LRP1B: variants seen among roughly 807,000 people sequenced by gnomAD.
LRP1B encodes the protein LDL receptor related protein 1B.
LRP1B carries 217 observed loss-of-function variants against 556.6 expected under a neutral mutation model. The ratio of observed to expected loss-of-function variants is 0.39; its 90% CI spans 0.35 to 0.44. The LOEUF is 0.44. Among genes scored for constraint, LRP1B ranks in the 20% least tolerant of loss-of-function variants. The probability of loss-of-function intolerance (pLI) is 1.00; values close to 1 mark genes in which losing one functional copy is unlikely to be tolerated. For missense variants in LRP1B, 5,053 were observed against 5,620.8 expected (o/e 0.90, Z 3.23); for synonymous variants, 2,047 against 1,865.8 (o/e 1.10, Z -2.50).
chr2:140,402,394 A>C (rs1684544155), intron 66 of LRP1B, among the ~76,000 whole-genome samples: 1 of 152,186 alleles, frequency 6.6e-6, no homozygotes, highest in Admixed American at 6.5e-5. Context: ...ACCACTGCAG[A>C]CATGGCTGGG....
intron 2 of LRP1B, among the ~76,000 whole-genome samples, chr2:141,768,734 A>G (rs1694805456): frequency 2.6e-5 from 4 of 152,100 alleles, no homozygotes. Flanking sequence ...TTTAATTGAA[A>G]ATTAATTCTA....
At chr2:141,785,107 C>T (rs1695387038) in intron 2 of LRP1B, among the ~76,000 whole-genome samples, 1 of 151,926 alleles carries the variant, frequency 6.6e-6, no homozygotes, top group Non-Finnish European at 1.5e-5. Context: ...TGCTTTTCAG[C>T]AGAGACACAT....
At chr2:141,945,953 T>C (rs923456792) in intron 1 of LRP1B, among the ~76,000 whole-genome samples, 9 of 151,852 alleles carry the variant, frequency 5.9e-5, no homozygotes, top group Non-Finnish European at 1.3e-4. Flanking sequence ...TATTTATTTA[T>C]TTATTTATTT....
In LRP1B at chr2:141,096,661, A is replaced by G. The variant is rs186145678; in HGVS notation, c.1014-34388T>C. Reference sequence around the variant, plus strand: ...GAGAGAGAGAGAGAGAGAGAGAGAGAGAGAGAGAGAGAGAGAGAGAGAGAG... The same window carrying G: ...GAGAGAGAGAGAGAGAGAGAGAGAGGGAGAGAGAGAGAGAGAGAGAGAGAG... On this transcript the variant is annotated intron_variant, in intron 7 of 90. Coordinates refer to ENST00000389484, the MANE Select transcript of LRP1B (RefSeq NM_018557.3). Among the ~76,000 whole-genome samples the G allele has an allele frequency of 1.5e-3, 131 of 84,788 alleles. 10 individuals are homozygous for G. The East Asian group carries it at 0.031, about 20-fold the overall frequency. The allele number at this position is 84,788 out of a possible 152,430, so 55.6% of individuals were successfully genotyped here.
intron 37 of LRP1B, among the ~76,000 whole-genome samples, chr2:140,715,438 TTATA>T (rs1183930295): frequency 6.6e-6 from 1 of 151,986 alleles, no homozygotes; most frequent in East Asian, 1.9e-4. Flanking sequence ...CGTTTCAGTT[TTATA>T]TATATACATT....
intron 3 of LRP1B, among the ~76,000 whole-genome samples, chr2:141,349,077 C>T (rs1342325002): frequency 6.6e-6 from 1 of 151,982 alleles, no homozygotes; most frequent in Non-Finnish European, 1.5e-5. Flanking sequence ...ATGTCTTTAT[C>T]AACAGTGTGA....
chr2:140,235,180 A>G (rs935868712), intron 89 of LRP1B, among the ~76,000 whole-genome samples: 19 of 151,236 alleles, frequency 1.3e-4, no homozygotes, highest in African/African-American at 4.4e-4. Context: ...ATGAATTTGA[A>G]GATAAAACTA....
chr2:140,440,684 C>T (rs1290529676), intron 66 of LRP1B, among the ~76,000 whole-genome samples: 1 of 151,702 alleles, frequency 6.6e-6, no homozygotes, highest in Non-Finnish European at 1.5e-5. Context: ...CACCTGTGCA[C>T]AATAAAATTG....
At chr2:140,996,302 G>A (rs1697243372) in intron 15 of LRP1B, among the ~76,000 whole-genome samples, 1 of 151,952 alleles carries the variant, frequency 6.6e-6, no homozygotes, top group African/African-American at 2.4e-5. Context: ...TATCAATGCA[G>A]ACTATCAGTT....
At chr2:140,709,258 T>C (rs1686946364) in intron 37 of LRP1B, among the ~76,000 whole-genome samples, 1 of 152,102 alleles carries the variant, frequency 6.6e-6, no homozygotes, top group Non-Finnish European at 1.5e-5. Flanking sequence ...TTAGAGATTA[T>C]ATACCATGGG....
intron 3 of LRP1B, among the ~76,000 whole-genome samples, chr2:141,331,522 C>CTTTTCTTTCTA (rs10694161): frequency 3.6e-5 from 5 of 140,718 alleles, no homozygotes; most frequent in Non-Finnish European, 7.6e-5. Flanking sequence ...TTCTTTCTTT[C>CTTTTCTTTCTA]TCTTTCTTTC....
intron 79 of LRP1B, among the ~76,000 whole-genome samples, chr2:140,331,885 C>G (rs1035928865): frequency 2.6e-5 from 4 of 151,776 alleles, no homozygotes; most frequent in Admixed American, 2.6e-4. Context: ...TTAGTAGAGG[C>G]AGGGTTTTGC....
chr2:140,628,619 T>G (rs1453480192), intron 41 of LRP1B, among the ~76,000 whole-genome samples: 1 of 149,454 alleles, frequency 6.7e-6, no homozygotes, highest in African/African-American at 2.5e-5. Flanking sequence ...AAATTAATGA[T>G]ATCTGGGTTC....
chr2:141,346,889 T>G (rs1688272841), intron 3 of LRP1B, among the ~76,000 whole-genome samples: 1 of 152,160 alleles, frequency 6.6e-6, no homozygotes, highest in African/African-American at 2.4e-5. Flanking sequence ...TCTTTTGTAA[T>G]TCATTATCTA....
chr2:141,963,200 T>A (rs1053011679), intron 1 of LRP1B, among the ~76,000 whole-genome samples: 12 of 151,916 alleles, frequency 7.9e-5, no homozygotes, highest in Admixed American at 7.9e-4. Context: ...CTTTTCCTCC[T>A]ATTTGAACTC....
At chr2:142,104,289 A>G (rs973620860) in intron 1 of LRP1B, among the ~76,000 whole-genome samples, 1 of 152,126 alleles carries the variant, frequency 6.6e-6, no homozygotes, top group Non-Finnish European at 1.5e-5. Context: ...GGGAGAGTTT[A>G]TAAAATCCAT....
In LRP1B at chr2:141,868,012, C is replaced by T. The variant is rs73964825; in HGVS notation, c.83-57611G>A. Among the ~76,000 whole-genome samples, 393 of 152,222 alleles carry T rather than the reference C, an allele frequency of 2.6e-3. 3 individuals carry two copies. Among genetic ancestry groups the T allele is most frequent in the African/African-American group, 9.2e-3 (383 of 41,550 alleles). ...ATAGATGTTCCATTACCATCATCTC[C>T]AAGTGGCAGTCATTTAATGTAGTCC... On this transcript the variant is annotated intron_variant, in intron 1 of 90. Transcript: ENST00000389484.
chr2:140,247,312 G>T (rs992298710), intron 86 of LRP1B, 150 bp from the exon 87 acceptor site: 29 of 611,752 alleles, frequency 4.7e-5, no homozygotes, highest in Non-Finnish European at 8.4e-5. Flanking sequence ...ATGATCTCTT[G>T]CATATTGTTA....
At chr2:140,596,626 T>C (rs548253059) in intron 43 of LRP1B, among the ~76,000 whole-genome samples, 22 of 152,322 alleles carry the variant, frequency 1.4e-4, no homozygotes, top group Non-Finnish European at 2.8e-4. Context: ...GTATTGCTAA[T>C]TGCAAGGCAT....
Sources: gnomAD v4.1 joint callset for allele counts (sites outside exome capture counted in the v4.1 genomes callset) on GRCh38, gnomAD v4.1.1 for gene constraint, MANE v1.5 for transcripts, NCBI Gene and HGNC (gene_info 2026-07-23, HGNC 2026-07-21) for gene names.